Variants in AKAP17A observed in about 807,000 individuals in gnomAD.
AKAP17A encodes the protein A-kinase anchor protein 17A.
AKAP17A carries 15 observed loss-of-function variants against 52.2 expected under a neutral mutation model. The observed-to-expected ratio is 0.29, with a 90% CI of 0.19 to 0.44. The LOEUF is 0.44. AKAP17A is among the 20% of genes least tolerant of loss of function. The pLI, the probability that AKAP17A is intolerant of heterozygous loss-of-function variation, is 1.00. For missense variants in AKAP17A, 1,060 were observed against 1,007.0 expected (o/e 1.05, Z -0.71); for synonymous variants, 514 against 424.7 (o/e 1.21, Z -2.58).
intron 4 of AKAP17A, 157 bp downstream of exon 4, chrX:1,599,589 G>A: frequency 9.6e-7 from 1 of 1,042,646 alleles, no homozygotes; most frequent in Non-Finnish European, 1.5e-6. Flanking sequence ...TCCTTCCCGG[G>A]AGGGTGTAGC....
At chrX:1,598,700 G>A (rs1933163724) in intron 3 of AKAP17A, among the ~76,000 whole-genome samples, 1 of 152,132 alleles carries the variant, frequency 6.6e-6, no homozygotes, top group Non-Finnish European at 1.5e-5. Context: ...GGCTGTGGTT[G>A]GATTTGTTTA....
intron 3 of AKAP17A, among the ~76,000 whole-genome samples, chrX:1,596,126 C>T (rs1281185064): frequency 3.3e-5 from 5 of 151,590 alleles, no homozygotes; most frequent in Admixed American, 2.6e-4. Flanking sequence ...TCACACCTCC[C>T]GCTGAAACAA....
intron 3 of AKAP17A, among the ~76,000 whole-genome samples, chrX:1,596,928 C>G (rs766151504): frequency 1.3e-5 from 2 of 151,912 alleles, no homozygotes; most frequent in Admixed American, 6.6e-5. Flanking sequence ...GAATCCTCCT[C>G]CTCCTACTCC....
chrX:1,598,189 G>C (rs1251820049), intron 3 of AKAP17A, among the ~76,000 whole-genome samples: 1 of 151,244 alleles, frequency 6.6e-6, no homozygotes, highest in Non-Finnish European at 1.5e-5. Flanking sequence ...AGCTCGTGGG[G>C]CGGTGACAGC....
intron 3 of AKAP17A, 42 bp downstream of exon 3, chrX:1,595,574 A>G: frequency 6.2e-7 from 1 of 1,612,048 alleles, no homozygotes; most frequent in Non-Finnish European, 8.5e-7. Flanking sequence ...GGTGTCCGGC[A>G]CCTGGGAGTG....
At chrX:1,598,522 G>A (rs1304658819) in intron 3 of AKAP17A, among the ~76,000 whole-genome samples, 1 of 152,284 alleles carries the variant, frequency 6.6e-6, no homozygotes, top group African/African-American at 2.4e-5. Context: ...CATGTCCGGT[G>A]TTGGTTGAAA....
rs1299764149 is a variant in AKAP17A, at chrX:1,601,325, A to G, written c.1819A>G (p.Arg607Gly). Reference sequence around the variant, plus strand: ...GCACAAGCGGGAGAGGAGCCGGGCCAGGCGGGCCAGCAGCAGGGAGGACGG... The same window carrying G: ...GCACAAGCGGGAGAGGAGCCGGGCCGGGCGGGCCAGCAGCAGGGAGGACGG... ...DRHKRERSRA[R>G]RASSREDGRP... The change falls in exon 5 of 5, where the codon AGG becomes GGG. Residue 607 changes from arginine to glycine, a missense_variant. Physicochemically the swap from Arg to Gly is moderately radical, Grantham distance 125 (BLOSUM62 -2). Around this residue, in one of 2 missense-constraint regions of AKAP17A, gnomAD observed 793 missense variants for 629.9 expected, o/e 1.26. Coordinates refer to ENST00000313871, the MANE Select transcript of AKAP17A (RefSeq NM_005088.3). 4 of 1,601,294 alleles carry G rather than the reference A, an allele frequency of 2.5e-6. No homozygotes were observed. Among genetic ancestry groups the G allele is most frequent in the African/African-American group, 1.3e-5 (1 of 74,600 alleles).
In AKAP17A at chrX:1,593,449, A is replaced by G. The variant is rs111256340; in HGVS notation, c.-14A>G. The G allele has an allele frequency of 0.039, 62,124 of 1,605,156 alleles. 1,935 individuals are homozygous for G. Among genetic ancestry groups the G allele is most frequent in the African/African-American group, 0.16 (12,093 of 74,796 alleles). On this transcript the variant is annotated 5_prime_UTR_variant, in exon 2 of 5. Transcript: ENST00000313871. Reference sequence around the variant, plus strand: ...GTCTGCGTCTTATGTTTCAGGCCCAAGGTCCCGGAGGCTATGGCAGCGGCT... The same window carrying G: ...GTCTGCGTCTTATGTTTCAGGCCCAGGGTCCCGGAGGCTATGGCAGCGGCT...
intron 3 of AKAP17A, among the ~76,000 whole-genome samples, chrX:1,598,349 T>C (rs1933134591): frequency 1.3e-5 from 2 of 152,160 alleles, no homozygotes; most frequent in Admixed American, 1.3e-4. Flanking sequence ...TCTCCCGGCC[T>C]GCTCCTCCTT....
intron 3 of AKAP17A, among the ~76,000 whole-genome samples, chrX:1,595,805 CTG>C (rs370743658): frequency 2.6e-5 from 4 of 151,624 alleles, no homozygotes; most frequent in African/African-American, 9.7e-5. Flanking sequence ...GTGTGTGTAC[CTG>C]TGTGTGTATG....
chrX:1,599,049 C>A, intron 3 of AKAP17A, 143 bp from the exon 4 acceptor site: 1 of 1,334,758 alleles, frequency 7.5e-7, no homozygotes, highest in Non-Finnish European at 1.0e-6. Context: ...TTTGAGTCAA[C>A]CGAGGTCCAC....
At position 1,601,195 on chromosome X, in the gene AKAP17A, C is replaced by T. The variant is rs774582791; in HGVS notation, c.1689C>T (p.Cys563=). ...AACAGCCCAAGGGCATCCCTGCCTG[C>T]GAGCAGAATGTCTCCAGAAAGGACA... ...NNQQPKGIPA[C]EQNVSRKDTR... The change falls in exon 5 of 5, where the codon TGC becomes TGT. Residue 563 remains cysteine, a synonymous_variant. Coordinates refer to ENST00000313871, the MANE Select transcript of AKAP17A (RefSeq NM_005088.3). 42 of 1,613,788 alleles carry T rather than the reference C, an allele frequency of 2.6e-5. 1 individual carries two copies. Among genetic ancestry groups the T allele is most frequent in the Admixed American group, 1.7e-4 (10 of 59,996 alleles).
Position 1,591,789 on chromosome X carries a change from C to G in AKAP17A, c.-20+20C>G, listed in dbSNP as rs1230454994. On this transcript the variant is annotated intron_variant, in intron 1 of 4. Coordinates refer to ENST00000313871, the MANE Select transcript of AKAP17A (RefSeq NM_005088.3). ...GCGCAGGTGAGTGCCGCCCCCGTGC[C>G]TCCCGGGCCTGGCTGCAGCCGGCGA... The G allele has an allele frequency of 6.6e-6, 1 of 151,352 alleles. No homozygotes were observed. Among genetic ancestry groups the G allele is most frequent in the Non-Finnish European group, 1.5e-5 (1 of 67,778 alleles). 9.4% of individuals were successfully genotyped at this position (151,352 alleles called of 1,614,324 possible).
chrX:1,595,303 T>TACG, intron 2 of AKAP17A, 81 bp from the exon 3 acceptor site: 3 of 1,587,066 alleles, frequency 1.9e-6, no homozygotes, highest in Non-Finnish European at 2.6e-6. Context: ...CACTCGGCCC[T>TACG]ACGGCCCAGG....
chrX:1,595,648 G>T (rs1932939722), intron 3 of AKAP17A, 116 bp downstream of exon 3: 1 of 1,474,024 alleles, frequency 6.8e-7, no homozygotes, highest in Non-Finnish European at 9.3e-7. Flanking sequence ...ATGCATGCTT[G>T]TGAGCTTGTG....
At chrX:1,598,286 G>A (rs1379005291) in intron 3 of AKAP17A, among the ~76,000 whole-genome samples, 10 of 151,706 alleles carry the variant, frequency 6.6e-5, no homozygotes, top group Admixed American at 1.3e-4. Flanking sequence ...CTGTCTGGGC[G>A]TCGGCACCTG....
intron 1 of AKAP17A, among the ~76,000 whole-genome samples, 157 bp from the exon 2 acceptor site, chrX:1,593,287 A>G (rs1372334610): frequency 6.6e-6 from 1 of 152,120 alleles, no homozygotes; most frequent in Non-Finnish European, 1.5e-5. Flanking sequence ...CTCCGTTGAG[A>G]TGGCTGTTAA....
At chrX:1,600,545 C>G (rs140297499) in intron 4 of AKAP17A, 114 bp from the exon 5 acceptor site, 7 of 1,105,118 alleles carry the variant, frequency 6.3e-6, no homozygotes, top group African/African-American at 6.3e-5. Flanking sequence ...CCAGCCAGGC[C>G]GCTGATCCTG....
rs767573987 is a variant in AKAP17A, at chrX:1,599,279, G to C, written c.999G>C (p.Glu333Asp). Residue 333 changes from glutamate (E) to aspartate (D), a missense_variant, in exon 4 of 5, where the codon GAG (glutamate) becomes GAC (aspartate). Glu to Asp is a conservative substitution (Grantham distance 45). Coordinates refer to ENST00000313871, the MANE Select transcript of AKAP17A (RefSeq NM_005088.3). Reference protein sequence around the residue: ...RKREQKQRDRELRRNQKKLEK... With the variant: ...RKREQKQRDRDLRRNQKKLEK... ...GGGAGCAGAAGCAGAGGGACCGTGA[G>C]CTGCGCCGGAATCAGAAGAAGCTGG... is the stretch of plus-strand genomic sequence containing the variant. 1 of 1,612,156 alleles carries C rather than the reference G, an allele frequency of 6.2e-7. No homozygotes were observed. Among genetic ancestry groups the C allele is most frequent in the South Asian group, 1.1e-5 (1 of 90,908 alleles).
Sources: allele counts gnomAD v4.1 joint callset (sites outside exome capture counted in the v4.1 genomes callset), GRCh38; gene constraint gnomAD v4.1.1; regional missense constraint gnomAD v4.1.1; transcripts MANE v1.5; gene names NCBI Gene and HGNC (gene_info 2026-07-23, HGNC 2026-07-21).